Variants in C12orf42 observed in about 807,000 individuals in gnomAD.
C12orf42 encodes the protein uncharacterized protein C12orf42.
Under a neutral mutation model 21.6 loss-of-function variants are expected in C12orf42, and 25 were observed. The ratio of observed to expected loss-of-function variants is 1.16; its 90% confidence interval spans 0.84 to 1.62. C12orf42 has a LOEUF of 1.62. Ranked by LOEUF, C12orf42 falls within the 40% of genes most tolerant of loss-of-function variation. C12orf42 has a pLI of 0.00. For synonymous variants in C12orf42, 174 were observed against 175.0 expected, an observed-to-expected ratio of 0.99 and a Z score of 0.05; for missense variants, 483 against 459.3, an observed-to-expected ratio of 1.05 and a Z score of -0.47.
At chr12:103,251,873 A>G (rs1167775185) in intron 10 of C12orf42, among the ~76,000 whole-genome samples, 1 of 152,214 alleles carries the variant, frequency 6.6e-6, no homozygotes, top group African/African-American at 2.4e-5. Context: ...AAATAAAAAT[A>G]TAAATTTTCT....
At chr12:103,507,171 ATTT>A in the C12orf42 span, among the ~76,000 whole-genome samples, 1 of 25,104 alleles carries the variant, frequency 4.0e-5, no homozygotes, top group African/African-American at 4.5e-4. Context: ...TATAATATAT[ATTT>A]ATATTATATA....
chr12:103,187,134 T>A, the C12orf42 span, among the ~76,000 whole-genome samples: 7 of 152,170 alleles, frequency 4.6e-5, no homozygotes, highest in Non-Finnish European at 8.8e-5. Context: ...GGGAGGGAAC[T>A]CAAAATGGGC....
chr12:103,262,266 G>T (rs959709675), intron 10 of C12orf42: 7 of 152,280 alleles, frequency 4.6e-5, no homozygotes, highest in African/African-American at 1.7e-4. Context: ...ACACATAAAG[G>T]TTTGTATTGC....
At chr12:103,317,957 C>T (rs1593407052) in intron 4 of C12orf42, among the ~76,000 whole-genome samples, 1 of 152,170 alleles carries the variant, frequency 6.6e-6, no homozygotes, top group Admixed American at 6.5e-5. Context: ...TGTCCATTCT[C>T]TTATTGACAG....
chr12:103,370,182 A>G (rs989704008), intron 3 of C12orf42, among the ~76,000 whole-genome samples: 12 of 152,198 alleles, frequency 7.9e-5, no homozygotes, highest in Non-Finnish European at 1.2e-4. Context: ...ACAATGAAAT[A>G]CCATCTCGCA....
intron 3 of C12orf42, among the ~76,000 whole-genome samples, chr12:103,380,580 A>T (rs2046078778): frequency 6.6e-6 from 1 of 152,246 alleles, no homozygotes; most frequent in Non-Finnish European, 1.5e-5. Context: ...AATTATGAGG[A>T]TGAATAAAAT....
At chr12:103,119,591 G>C in the C12orf42 span, among the ~76,000 whole-genome samples, 1 of 152,154 alleles carries the variant, frequency 6.6e-6, no homozygotes, top group Non-Finnish European at 1.5e-5. Context: ...GAATCATTGT[G>C]CCGCGTCTGT....
At chr12:103,467,682 A>T (rs1044917660) in intron 2 of C12orf42, among the ~76,000 whole-genome samples, 17 of 152,222 alleles carry the variant, frequency 1.1e-4, no homozygotes, top group Admixed American at 9.2e-4. Context: ...ATATCCTGAG[A>T]CTCAAAGCAT....
chr12:103,164,555 G>C, the C12orf42 span: 13 of 429,964 alleles, frequency 3.0e-5, no homozygotes, highest in Non-Finnish European at 5.6e-5. Flanking sequence ...AGGCACAGGG[G>C]GTGGGTGCCA....
intron 2 of C12orf42, among the ~76,000 whole-genome samples, chr12:103,442,522 T>C (rs560518875): frequency 2.6e-5 from 4 of 152,264 alleles, no homozygotes; most frequent in South Asian, 4.1e-4. Context: ...GCCTATTCTA[T>C]CATTGCACCT....
intron 10 of C12orf42, among the ~76,000 whole-genome samples, chr12:103,251,254 A>T (rs1033215659): frequency 6.6e-6 from 1 of 151,934 alleles, no homozygotes; most frequent in Non-Finnish European, 1.5e-5. Context: ...TCCCAACCCC[A>T]CTATAGCAAC....
At chr12:103,516,501 A>G in the C12orf42 span, among the ~76,000 whole-genome samples, 1 of 152,240 alleles carries the variant, frequency 6.6e-6, no homozygotes, top group Non-Finnish European at 1.5e-5. Context: ...ACAGTTCCAC[A>G]TGGCTGGAGA....
At chr12:103,289,538 T>C (rs1372624755) in intron 4 of C12orf42, among the ~76,000 whole-genome samples, 1 of 152,136 alleles carries the variant, frequency 6.6e-6, no homozygotes, top group Non-Finnish European at 1.5e-5. Flanking sequence ...AGTGAAAATA[T>C]TCATAAAAAT....
At chr12:103,343,245 G>A (rs570276688) in intron 4 of C12orf42, among the ~76,000 whole-genome samples, 4 of 151,904 alleles carry the variant, frequency 2.6e-5, no homozygotes, top group Non-Finnish European at 4.4e-5. Context: ...TATTTAAATC[G>A]CAAAATCAAT....
At position 103,274,141 on chromosome 12, in the gene C12orf42, T is replaced by A. The variant is rs78547006; in HGVS notation, n.398+3009A>T. 1.6e-3 allele frequency among the ~76,000 whole-genome samples: 247 copies of A among 152,298 alleles called. 4 individuals carry two copies. In the East Asian group the frequency reaches 0.041, roughly 25 times the overall value. On this transcript the variant is annotated intron_variant and non_coding_transcript_variant, in intron 5 of 6. Transcript: ENST00000546526. ...TCCTCACAACATCCTAGGAAATAGGTACTGATAGTAATTCTGTTTTACAGA... is the reference window on the plus strand; with the variant it reads ...TCCTCACAACATCCTAGGAAATAGGAACTGATAGTAATTCTGTTTTACAGA...
chr12:103,153,205 G>GA, the C12orf42 span, among the ~76,000 whole-genome samples: 2 of 152,018 alleles, frequency 1.3e-5, no homozygotes, highest in Non-Finnish European at 2.9e-5. Flanking sequence ...AATTATGAAG[G>GA]AAAAAACTAC....
chr12:103,414,755 A>G (rs768123373), intron 2 of C12orf42, among the ~76,000 whole-genome samples: 2 of 152,144 alleles, frequency 1.3e-5, no homozygotes, highest in Non-Finnish European at 2.9e-5. Context: ...GCATCCTGAA[A>G]CTTTACTAAA....
chr12:103,428,216 C>T lies in C12orf42; in HGVS notation c.79-26541G>A, dbSNP rs142807180. Reference sequence around the variant, plus strand: ...GAAAAGACTAGCAAGATGGATAGACCACTAGCCAGACTAATAAAGAAGAAA... The same window carrying T: ...GAAAAGACTAGCAAGATGGATAGACTACTAGCCAGACTAATAAAGAAGAAA... On this transcript the variant is annotated intron_variant, in intron 2 of 5. Coordinates refer to ENST00000548883, the MANE Select transcript of C12orf42 (RefSeq NM_198521.5). 3.5e-3 allele frequency among the ~76,000 whole-genome samples: 539 copies of T among 152,104 alleles called. 6 individuals carry two copies. The highest frequency in any genetic ancestry group is 0.012 in the African/African-American group (504 of 41,492).
intron 3 of C12orf42, among the ~76,000 whole-genome samples, chr12:103,396,071 T>A (rs1593798939): frequency 6.7e-6 from 1 of 150,096 alleles, no homozygotes; most frequent in Non-Finnish European, 1.5e-5. Flanking sequence ...ACTATTATGT[T>A]ATAACTTTTG....
Sources: gnomAD v4.1 joint callset for allele counts (sites outside exome capture counted in the v4.1 genomes callset) on GRCh38, gnomAD v4.1.1 for gene constraint, MANE v1.5 for transcripts, NCBI Gene and HGNC (gene_info 2026-07-23, HGNC 2026-07-21) for gene names.